Variants in THSD7B observed in about 807,000 individuals in gnomAD.
THSD7B encodes the protein thrombospondin type 1 domain containing 7B.
In THSD7B, 138 loss-of-function variants were observed where a neutral mutation model predicts 213.6. The ratio of observed to expected loss-of-function variants is 0.65; its 90% CI spans 0.56 to 0.74. The LOEUF is 0.74. Ranked by LOEUF, THSD7B falls within the 30% of genes least tolerant of loss-of-function variation. The pLI, the probability that THSD7B is intolerant of heterozygous loss-of-function variation, is 0.00. For missense variants in THSD7B, 1,931 were observed against 1,991.5 expected (o/e 0.97, Z 0.58); for synonymous variants, 742 against 687.0 (o/e 1.08, Z -1.25).
At chr2:136,784,670 G>A (rs543734330) in intron 1 of THSD7B, among the ~76,000 whole-genome samples, 4 of 152,206 alleles carry the variant, frequency 2.6e-5, no homozygotes, top group Admixed American at 2.0e-4. Flanking sequence ...GAGCTTCAAA[G>A]GTGTTATATA....
chr2:137,651,037 A>G (rs561037984), intron 21 of THSD7B, among the ~76,000 whole-genome samples: 1 of 152,156 alleles, frequency 6.6e-6, no homozygotes, highest in Admixed American at 6.6e-5. Context: ...ATAGTTTTCT[A>G]CTTTTGCTAT....
intron 2 of THSD7B, among the ~76,000 whole-genome samples, chr2:136,976,498 C>T (rs35066914): frequency 0.11 from 17,174 of 152,142 alleles, 1,118 homozygotes; most frequent in African/African-American, 0.17. Flanking sequence ...GTTGAACCAG[C>T]CTTGCATCCT....
rs1686851808 is a variant in THSD7B at position 137,418,659 on chromosome 2, T to G, written c.2959+6787T>G. ...GATTTTATTTTTTCCTAAGTATATATTTGTACCCGTTAATCAACCTCTCTT... is the reference window on the plus strand; with the variant it reads ...GATTTTATTTTTTCCTAAGTATATAGTTGTACCCGTTAATCAACCTCTCTT... On this transcript the variant is annotated intron_variant, in intron 14 of 27. Transcript: ENST00000409968. Among the ~76,000 whole-genome samples the G allele has an allele frequency of 2.0e-5, 3 of 152,086 alleles. No homozygotes were observed. The South Asian group carries it at 6.2e-4, about 31-fold the overall frequency.
intron 14 of THSD7B, among the ~76,000 whole-genome samples, chr2:137,435,403 T>G (rs1472654704): frequency 1.3e-5 from 2 of 152,206 alleles, no homozygotes; most frequent in Non-Finnish European, 2.9e-5. Flanking sequence ...ATTAAAATAT[T>G]TTAAATCTTT....
intron 4 of THSD7B, among the ~76,000 whole-genome samples, chr2:137,096,778 T>C (rs1688048039): frequency 6.6e-6 from 1 of 152,246 alleles, no homozygotes; most frequent in Non-Finnish European, 1.5e-5. Context: ...TTGAACAAGC[T>C]ATACAACTTT....
intron 15 of THSD7B, among the ~76,000 whole-genome samples, chr2:137,539,574 G>T (rs1680569040): frequency 6.6e-6 from 1 of 151,526 alleles, no homozygotes; most frequent in African/African-American, 2.4e-5. Flanking sequence ...TCACATTCTG[G>T]TCATGTGCAA....
intron 2 of THSD7B, among the ~76,000 whole-genome samples, chr2:136,906,134 T>C (rs1336476933): frequency 1.3e-5 from 2 of 152,198 alleles, no homozygotes; most frequent in Non-Finnish European, 2.9e-5. Context: ...ATAGGGGCCT[T>C]TAAAAATATT....
chr2:137,456,448 G>T (rs151336588), intron 15 of THSD7B, among the ~76,000 whole-genome samples: 44 of 152,314 alleles, frequency 2.9e-4, no homozygotes, highest in African/African-American at 1.0e-3. Flanking sequence ...ATATGGCTAT[G>T]CTTCAGATTT....
At position 137,278,012 on chromosome 2, in the gene THSD7B, A is replaced by T. The variant is rs1220664619; in HGVS notation, c.2500+1986A>T. On this transcript the variant is annotated intron_variant, in intron 12 of 27. Coordinates refer to ENST00000409968, the MANE Select transcript of THSD7B (RefSeq NM_001316349.2). Reference sequence around the variant, plus strand: ...GAAACAGAGAGGTTTTAGACTCTGGACAATAAGCAGAGGTGGGTGGAGATG... The same window carrying T: ...GAAACAGAGAGGTTTTAGACTCTGGTCAATAAGCAGAGGTGGGTGGAGATG... Among the ~76,000 whole-genome samples, 5 of 152,156 alleles carry T rather than the reference A, an allele frequency of 3.3e-5. No individual in the cohort carries two copies. In the East Asian group the frequency reaches 9.7e-4, roughly 29 times the overall value.
intron 21 of THSD7B, among the ~76,000 whole-genome samples, chr2:137,643,636 T>A (rs1417111507): frequency 6.6e-6 from 1 of 152,196 alleles, no homozygotes; most frequent in African/African-American, 2.4e-5. Context: ...TATTTAAATG[T>A]TGTTTGGACT....
At chr2:137,434,473 C>A (rs146100395) in intron 14 of THSD7B, among the ~76,000 whole-genome samples, 103 of 152,242 alleles carry the variant, frequency 6.8e-4, no homozygotes, top group African/African-American at 2.4e-3. Flanking sequence ...TGGCACTGTG[C>A]CCTCTGGTTA....
At chr2:137,350,898 T>C (rs1684998210) in intron 12 of THSD7B, among the ~76,000 whole-genome samples, 1 of 151,930 alleles carries the variant, frequency 6.6e-6, no homozygotes, top group Non-Finnish European at 1.5e-5. Flanking sequence ...TTGATGGTGA[T>C]GCCACTTACT....
chr2:137,201,073 A>G (rs970526758), intron 7 of THSD7B, among the ~76,000 whole-genome samples: 1 of 152,230 alleles, frequency 6.6e-6, no homozygotes, highest in Admixed American at 6.5e-5. Flanking sequence ...AGATTCATCC[A>G]GGTTGAACAG....
At chr2:137,648,226 G>A (rs1683073748) in intron 21 of THSD7B, among the ~76,000 whole-genome samples, 1 of 151,992 alleles carries the variant, frequency 6.6e-6, no homozygotes, top group African/African-American at 2.4e-5. Flanking sequence ...CTTTATGCTA[G>A]AACAACTCAA....
intron 7 of THSD7B, among the ~76,000 whole-genome samples, chr2:137,208,884 G>A (rs13404985): frequency 0.59 from 89,809 of 151,398 alleles, 26,988 homozygotes; most frequent in South Asian, 0.71. Context: ...AATGCTGTGT[G>A]CAGGAGTAAT....
At position 137,632,745 on chromosome 2, in the gene THSD7B, C is replaced by T. The variant is rs78190658; in HGVS notation, c.3800-9743C>T. Among the ~76,000 whole-genome samples, 1,504 of 152,252 alleles carry T rather than the reference C, an allele frequency of 9.9e-3. 32 individuals are homozygous for T. The highest frequency in any genetic ancestry group is 0.034 in the African/African-American group (1,427 of 41,518). On this transcript the variant is annotated intron_variant, in intron 20 of 27. Transcript: ENST00000409968. ...ATGTCAAAAGTGCTTAATCTTCTGC[C>T]ATAAAATACCTATCTAAGCCCCTTG...
intron 15 of THSD7B, among the ~76,000 whole-genome samples, chr2:137,527,632 T>C (rs1437239287): frequency 6.6e-6 from 1 of 152,076 alleles, no homozygotes; most frequent in Non-Finnish European, 1.5e-5. Context: ...TGGTGTTGAC[T>C]CTGTGCTTGA....
At chr2:137,538,322 G>A (rs1680544426) in intron 15 of THSD7B, among the ~76,000 whole-genome samples, 1 of 151,588 alleles carries the variant, frequency 6.6e-6, no homozygotes, top group Non-Finnish European at 1.5e-5. Context: ...GAGACTGGGA[G>A]GGTAACATTC....
rs534153141 is a variant in THSD7B, at chr2:137,461,413, G to A, written c.3138+10390G>A. On this transcript the variant is annotated intron_variant, in intron 15 of 27. Coordinates refer to ENST00000409968, the MANE Select transcript of THSD7B (RefSeq NM_001316349.2). ...AATAAAAGCCATGGGTGCAATAAAC[G>A]TTTATCTCAACACTTCTCATCACAG... Among the ~76,000 whole-genome samples the A allele has an allele frequency of 9.9e-5, 15 of 152,128 alleles. No homozygotes were observed. The South Asian group carries it at 2.3e-3, about 23-fold the overall frequency.
Sources: gnomAD v4.1 joint callset for allele counts (sites outside exome capture counted in the v4.1 genomes callset) on GRCh38, gnomAD v4.1.1 for gene constraint, MANE v1.5 for transcripts, NCBI Gene and HGNC (gene_info 2026-07-23, HGNC 2026-07-21) for gene names.